Variants in THOC3 observed in about 807,000 individuals in gnomAD.
THOC3 encodes the protein THO complex subunit 3, also known as TEX1 homolog.
In THOC3, 4 loss-of-function variants were observed where a neutral mutation model predicts 23.3. The ratio of observed to expected loss-of-function variants is 0.17; its 90% CI spans 0.08 to 0.39. The LOEUF is 0.39. Among genes scored for constraint, THOC3 ranks in the 10% least tolerant of loss-of-function variants. THOC3 has a pLI of 1.00. For missense variants in THOC3, 64 were observed against 359.4 expected, an observed-to-expected ratio of 0.18 and a Z score of 6.65; for synonymous variants, 27 against 141.5, an observed-to-expected ratio of 0.19 and a Z score of 5.74.
chr5:175,963,174 G>C (rs1756698715), intron 3 of THOC3, among the ~76,000 whole-genome samples: 1 of 152,114 alleles, frequency 6.6e-6, no homozygotes, highest in Non-Finnish European at 1.5e-5. Context: ...TTCCCTACAT[G>C]AACTACACTA....
intron 2 of THOC3, among the ~76,000 whole-genome samples, chr5:175,966,069 G>A (rs1281156999): frequency 6.7e-6 from 1 of 148,294 alleles, no homozygotes; most frequent in South Asian, 2.1e-4. Flanking sequence ...TGTAGTCCCA[G>A]CTACTCAGGA....
chr5:175,962,439 C>CACACACACACACAT (rs1756680236), intron 3 of THOC3, among the ~76,000 whole-genome samples: 1 of 91,860 alleles, frequency 1.1e-5, no homozygotes, highest in South Asian at 3.1e-4. Context: ...CACACACACA[C>CACACACACACACAT]ACACGTAATT....
intron 3 of THOC3, among the ~76,000 whole-genome samples, chr5:175,963,325 G>A (rs575607937): frequency 7.2e-5 from 11 of 152,148 alleles, no homozygotes; most frequent in Admixed American, 3.9e-4. Context: ...CTACGTTTTC[G>A]GAAGTTTCTT....
At chr5:175,961,930 C>T (rs1436807376) in intron 3 of THOC3, among the ~76,000 whole-genome samples, 15 of 151,036 alleles carry the variant, frequency 9.9e-5, no homozygotes, top group Non-Finnish European at 1.6e-4. Context: ...GAACGCTTCC[C>T]GAGGAATCTT....
In THOC3 at chr5:175,963,420, T is replaced by A. The variant is rs1394073352; in HGVS notation, c.629+1531A>T. Among the ~76,000 whole-genome samples the A allele has an allele frequency of 2.6e-5, 4 of 152,120 alleles. No homozygotes were observed. The East Asian group carries it at 5.8e-4, about 22-fold the overall frequency. ...CTAGGGTATCTAGGGGCTGCACATG[T>A]GGTAGATAAACTATGAAGAAACACT... On this transcript the variant is annotated intron_variant, in intron 3 of 5. Transcript: ENST00000265097.
chr5:175,964,585 C>A (rs555343805), intron 3 of THOC3, among the ~76,000 whole-genome samples: 4 of 148,642 alleles, frequency 2.7e-5, no homozygotes, highest in Non-Finnish European at 5.9e-5. Flanking sequence ...CATTGCACTG[C>A]AGCCTGGGCA....
chr5:175,965,415 A>G, intron 2 of THOC3: 1 of 549,808 alleles, frequency 1.8e-6, no homozygotes, highest in Non-Finnish European at 3.2e-6. Context: ...GATTTTATAG[A>G]TGAAGGAAAT....
chr5:175,962,924 G>A (rs1486801370), intron 3 of THOC3, among the ~76,000 whole-genome samples: 7 of 151,658 alleles, frequency 4.6e-5, no homozygotes, highest in East Asian at 1.9e-4. Flanking sequence ...AACAGAAGAC[G>A]ATGGGATTAT....
At chr5:175,965,543 G>C (rs1259857883) in intron 2 of THOC3, among the ~76,000 whole-genome samples, 2 of 152,252 alleles carry the variant, frequency 1.3e-5, no homozygotes, top group Non-Finnish European at 1.5e-5. Flanking sequence ...TCTCGCCTCA[G>C]CCTCCCGAGT....
At position 175,965,485 on chromosome 5, in the gene THOC3, C is replaced by T. The variant is rs187796363; in HGVS notation, c.425-330G>A. Among the ~76,000 whole-genome samples the T allele has an allele frequency of 1.3e-4, 20 of 152,378 alleles. No individual in the cohort carries two copies. The East Asian group carries it at 2.3e-3, about 18-fold the overall frequency. On this transcript the variant is annotated intron_variant, in intron 2 of 5. Coordinates refer to ENST00000265097, the MANE Select transcript of THOC3 (RefSeq NM_032361.4). ...ATGAAGTCACAGAGCTATGAAGTGG[C>T]GCAATCTCGGCTCACTGCAAGCTCC...
chr5:175,967,485 T>C (rs1235853371), intron 1 of THOC3: 1 of 302,506 alleles, frequency 3.3e-6, no homozygotes, highest in Admixed American at 6.1e-5. Context: ...GTGCCCTCCC[T>C]GGCCTTCTCC....
At chr5:175,963,314 G>A (rs1581129619) in intron 3 of THOC3, among the ~76,000 whole-genome samples, 1 of 151,910 alleles carries the variant, frequency 6.6e-6, no homozygotes, top group African/African-American at 2.4e-5. Context: ...TTTTTCAACA[G>A]CTACGTTTTC....
At position 175,968,266 on chromosome 5, in the gene THOC3, T is replaced by G. The variant is rs1207594492; in HGVS notation, c.-58A>C. On this transcript the variant is annotated 5_prime_UTR_variant, in exon 1 of 6. Coordinates refer to ENST00000265097, the MANE Select transcript of THOC3 (RefSeq NM_032361.4). ...GCAGCAGCCTCCACGGCGCAGTCAG[T>G]CCTGGCGCCGCTGCCGCACGCATGC... The G allele has an allele frequency of 6.5e-7, 1 of 1,535,878 alleles. No individual in the cohort carries two copies. Among genetic ancestry groups the G allele is most frequent in the Non-Finnish European group, 8.7e-7 (1 of 1,146,600 alleles).
chr5:175,963,423 T>C (rs1756704265), intron 3 of THOC3, among the ~76,000 whole-genome samples: 1 of 152,162 alleles, frequency 6.6e-6, no homozygotes, highest in Admixed American at 6.5e-5. Context: ...GCACATGTGG[T>C]AGATAAACTA....
At chr5:175,964,597 C>CA (rs1181895784) in intron 3 of THOC3, among the ~76,000 whole-genome samples, 6 of 145,678 alleles carry the variant, frequency 4.1e-5, no homozygotes, top group South Asian at 2.2e-4. Context: ...GCCTGGGCAA[C>CA]AAGAGCAAAA....
At chr5:175,962,521 C>CT (rs151187689) in intron 3 of THOC3, among the ~76,000 whole-genome samples, 191 of 109,508 alleles carry the variant, frequency 1.7e-3, no homozygotes, top group Middle Eastern at 4.8e-3. Context: ...TGTAAGGCTC[C>CT]TTTTTTTTTT....
intron 3 of THOC3, among the ~76,000 whole-genome samples, chr5:175,964,065 C>T (rs1381036083): frequency 6.6e-6 from 1 of 151,850 alleles, no homozygotes; most frequent in Non-Finnish European, 1.5e-5. Flanking sequence ...ATTGAACAGA[C>T]CTGAATTTCA....
chr5:175,965,268 A>T (rs1407964796), intron 2 of THOC3, 113 bp from the exon 3 acceptor site: 6 of 1,415,206 alleles, frequency 4.2e-6, no homozygotes, highest in African/African-American at 1.4e-5. Context: ...TACTCATTAA[A>T]GTCCTAGACA....
rs770237027 is a variant in THOC3 at position 175,968,137 on chromosome 5, C to A, written c.72G>T (p.Trp24Cys). The A allele has an allele frequency of 6.2e-7, 1 of 1,605,526 alleles. No homozygotes were observed. The highest frequency in any genetic ancestry group is 8.5e-7 in the Non-Finnish European group (1 of 1,177,070). Residue 24 changes from tryptophan (W) to cysteine (C), a missense_variant, in exon 1 of 6, where the codon TGG (tryptophan) becomes TGT (cysteine). Transcript: ENST00000265097. ...GCGACGGGCCGCTGCTCACTGAGCA[C>A]CACGGGGCCATCGAGCCGGGGCCGC... Reference protein sequence around the residue: ...GQSGPGSMAPWCSVSSGPSRY... With the variant: ...GQSGPGSMAPCCSVSSGPSRY...
Sources: allele counts gnomAD v4.1 joint callset (sites outside exome capture counted in the v4.1 genomes callset), GRCh38; gene constraint gnomAD v4.1.1; transcripts MANE v1.5; gene names NCBI Gene and HGNC (gene_info 2026-07-23, HGNC 2026-07-21).